Variants in ACTR3C observed in about 807,000 individuals in gnomAD.
The protein encoded by ACTR3C is actin related protein 3C.
ACTR3C carries 18 observed loss-of-function variants against 26.3 expected under a neutral mutation model. The ratio of observed to expected loss-of-function variants is 0.68; its 90% CI spans 0.47 to 1.01. The LOEUF is 1.01. Among genes scored for constraint, ACTR3C ranks in the 50% least tolerant of loss-of-function variants. The probability of loss-of-function intolerance (pLI) is 0.00; values close to 1 mark genes in which losing one functional copy is unlikely to be tolerated. For missense variants in ACTR3C, 184 were observed against 250.7 expected, an observed-to-expected ratio of 0.73 and a Z score of 1.80; for synonymous variants, 55 against 94.5, an observed-to-expected ratio of 0.58 and a Z score of 2.42.
intron 1 of ACTR3C, among the ~76,000 whole-genome samples, chr7:150,300,407 T>C (rs1011575466): frequency 2.0e-5 from 3 of 152,156 alleles, no homozygotes; most frequent in Non-Finnish European, 4.4e-5. Context: ...CTAACCCATA[T>C]GCCTACACAC....
At chr7:150,103,037 A>G in the ACTR3C span, among the ~76,000 whole-genome samples, 115,158 of 150,584 alleles carry the variant, frequency 0.76, 43,753 homozygotes, top group East Asian at 0.82. Flanking sequence ...GTATAAATGA[A>G]CATTCTCAGT....
the ACTR3C span, among the ~76,000 whole-genome samples, chr7:150,198,775 T>G: frequency 2.8e-5 from 3 of 106,474 alleles, no homozygotes; most frequent in African/African-American, 4.5e-5. Context: ...GCCCCCCGCC[T>G]GGCCAGCCGT....
intron 6 of ACTR3C, among the ~76,000 whole-genome samples, chr7:150,261,646 G>A (rs761420230): frequency 6.6e-5 from 10 of 152,162 alleles, no homozygotes; most frequent in Non-Finnish European, 1.2e-4. Flanking sequence ...AGGTTGCGGT[G>A]AGCAGAGATC....
the ACTR3C span, among the ~76,000 whole-genome samples, chr7:150,164,647 G>A: frequency 6.6e-6 from 1 of 152,022 alleles, no homozygotes; most frequent in Non-Finnish European, 1.5e-5. Flanking sequence ...GTAAAGGAGT[G>A]TAATAACTTG....
the ACTR3C span, among the ~76,000 whole-genome samples, chr7:150,158,643 A>G: frequency 6.6e-6 from 1 of 152,272 alleles, no homozygotes; most frequent in Non-Finnish European, 1.5e-5. Context: ...GAAATAGAGT[A>G]GAACATCAGT....
chr7:150,104,910 C>T, the ACTR3C span, among the ~76,000 whole-genome samples: 1 of 151,850 alleles, frequency 6.6e-6, no homozygotes, highest in Non-Finnish European at 1.5e-5. Flanking sequence ...CCATCTGGTG[C>T]TTTTATTCCC....
intron 6 of ACTR3C, among the ~76,000 whole-genome samples, chr7:150,270,695 C>T (rs554832536): frequency 6.6e-5 from 10 of 152,066 alleles, no homozygotes; most frequent in African/African-American, 7.3e-5. Context: ...ACACAGAATT[C>T]GGACCCCACC....
At chr7:150,219,624 A>G in the ACTR3C span, among the ~76,000 whole-genome samples, 3,688 of 122,156 alleles carry the variant, frequency 0.03, 113 homozygotes, top group East Asian at 0.093. Flanking sequence ...GGGAGTAAAC[A>G]TTTCCCAAGT....
the ACTR3C span, among the ~76,000 whole-genome samples, chr7:150,038,863 C>T: frequency 7.6e-6 from 1 of 132,366 alleles, no homozygotes; most frequent in African/African-American, 2.9e-5. Context: ...GGGGCTGGCT[C>T]TCAGTCCCTG....
the ACTR3C span, among the ~76,000 whole-genome samples, chr7:150,004,252 ATGTGTGTGTGGTG>A: frequency 0.042 from 6,251 of 147,362 alleles, 302 homozygotes; most frequent in East Asian, 0.26. Context: ...ATTATGTGAT[ATGTGTGTGTGGTG>A]TGTGTGTGTG....
chr7:150,265,936 C>T (rs71537921), intron 6 of ACTR3C, among the ~76,000 whole-genome samples: 4 of 151,944 alleles, frequency 2.6e-5, no homozygotes, highest in South Asian at 4.2e-4. Context: ...AAACTGAGAA[C>T]GTTCTTTTAC....
chr7:150,293,195 C>T, intron 3 of ACTR3C, 117 bp downstream of exon 3: 3 of 1,534,554 alleles, frequency 2.0e-6, no homozygotes, highest in Non-Finnish European at 2.6e-6. Flanking sequence ...CTAAGTACAA[C>T]TATCATCTAA....
the ACTR3C span, among the ~76,000 whole-genome samples, chr7:150,071,828 G>A: frequency 6.6e-6 from 1 of 151,228 alleles, no homozygotes; most frequent in Admixed American, 6.6e-5. Context: ...AGTGTCAGGG[G>A]TCAGAGGCAT....
At chr7:150,176,576 T>C in the ACTR3C span, among the ~76,000 whole-genome samples, 1 of 150,984 alleles carries the variant, frequency 6.6e-6, no homozygotes, top group Admixed American at 6.6e-5. Context: ...ACCTCTCCGG[T>C]TGTTTCATGT....
the ACTR3C span, among the ~76,000 whole-genome samples, chr7:150,084,204 T>C: frequency 1.3e-5 from 2 of 151,820 alleles, no homozygotes; most frequent in African/African-American, 4.8e-5. Context: ...TTGAGATGTT[T>C]TATTACTATG....
At chr7:150,009,561 T>C in the ACTR3C span, among the ~76,000 whole-genome samples, 128 of 152,280 alleles carry the variant, frequency 8.4e-4, no homozygotes, top group Non-Finnish European at 1.1e-3. Context: ...TTTCTTTGAG[T>C]ACCACCCCAT....
chr7:150,107,935 G>A, the ACTR3C span, among the ~76,000 whole-genome samples: 4 of 152,016 alleles, frequency 2.6e-5, no homozygotes, highest in Non-Finnish European at 2.9e-5. Flanking sequence ...CCATTTGGTC[G>A]TAGTGTCAAT....
At chr7:149,928,036 A>AC in the ACTR3C span, among the ~76,000 whole-genome samples, 1 of 152,194 alleles carries the variant, frequency 6.6e-6, no homozygotes, top group Admixed American at 6.5e-5. Flanking sequence ...AGGCATCCTC[A>AC]CACATTACTG....
the ACTR3C span, among the ~76,000 whole-genome samples, chr7:150,122,630 A>T: frequency 6.6e-6 from 1 of 152,232 alleles, no homozygotes; most frequent in Non-Finnish European, 1.5e-5. Context: ...ACGCTTTTAC[A>T]CTGTTGGTGG....
Sources: allele counts gnomAD v4.1 joint callset (sites outside exome capture counted in the v4.1 genomes callset), GRCh38; gene constraint gnomAD v4.1.1; transcripts MANE v1.5; gene names NCBI Gene and HGNC (gene_info 2026-07-23, HGNC 2026-07-21).